TSPAN8: variants seen among roughly 807,000 people sequenced by gnomAD.
The protein encoded by TSPAN8 is tetraspanin-8.
Under a neutral mutation model 32.8 loss-of-function variants are expected in TSPAN8, and 21 were observed. The observed-to-expected ratio is 0.64, with a 90% confidence interval of 0.45 to 0.92. The LOEUF (loss-of-function observed/expected upper bound fraction) is 0.92, where lower values mean the gene tolerates loss of function less well. TSPAN8 is among the 40% of genes least tolerant of loss of function. TSPAN8 has a pLI of 0.00. For missense variants in TSPAN8, 269 were observed against 281.9 expected, an observed-to-expected ratio of 0.95 and a Z score of 0.33; for synonymous variants, 95 against 94.6, an observed-to-expected ratio of 1.00 and a Z score of -0.03.
rs941641140 is a variant in TSPAN8 at position 71,137,518 on chromosome 12, T to C, written c.444+435A>G. Among the ~76,000 whole-genome samples the C allele has an allele frequency of 2.0e-5, 3 of 151,938 alleles. No homozygotes were observed. The East Asian group carries it at 5.8e-4, about 30-fold the overall frequency. Reference sequence around the variant, plus strand: ...AGGAGGCTGAGACAGGAGAATCAGTTGAACCCGGGAGGCAGAGGTTGCAGC... The same window carrying C: ...AGGAGGCTGAGACAGGAGAATCAGTCGAACCCGGGAGGCAGAGGTTGCAGC... On this transcript the variant is annotated intron_variant, in intron 6 of 8. Transcript: ENST00000247829.
At chr12:71,140,625 T>C (rs1871873412) in intron 3 of TSPAN8, among the ~76,000 whole-genome samples, 1 of 152,212 alleles carries the variant, frequency 6.6e-6, no homozygotes, top group African/African-American at 2.4e-5. Context: ...GAGCCCTTTA[T>C]AGTGGGTGGG....
At chr12:71,150,747 A>C (rs1455204797) in intron 2 of TSPAN8, among the ~76,000 whole-genome samples, 1 of 152,172 alleles carries the variant, frequency 6.6e-6, no homozygotes, top group Non-Finnish European at 1.5e-5. Context: ...GTGGGAGATA[A>C]CTGAATCATG....
chr12:71,146,413 C>T (rs1872081437), intron 2 of TSPAN8, among the ~76,000 whole-genome samples: 1 of 152,082 alleles, frequency 6.6e-6, no homozygotes, highest in South Asian at 2.1e-4. Flanking sequence ...GAATGACCAT[C>T]CTAGAGTCAT....
rs141173034 is a variant in TSPAN8 at position 71,139,192 on chromosome 12, C to T, written c.261+519G>A. On this transcript the variant is annotated intron_variant, in intron 4 of 8. Coordinates refer to ENST00000247829, the MANE Select transcript of TSPAN8 (RefSeq NM_004616.3). ...CATCATTTACTGGAAACAGTTTTGC[C>T]GGTCTCCTGCCATACCCAAGGCTTC... 7.7e-3 allele frequency: 3,501 copies of T among 456,592 alleles called. 147 individuals carry two copies. Among genetic ancestry groups the T allele is most frequent in the Admixed American group, 0.07 (2,972 of 42,448 alleles). 28.3% of individuals were successfully genotyped at this position (456,592 alleles called of 1,614,324 possible). A position where few individuals can be genotyped will look rare whatever the true frequency, so the allele number is the denominator to read the frequency against.
At chr12:71,143,220 G>C (rs761026673) in intron 3 of TSPAN8, among the ~76,000 whole-genome samples, 1 of 152,120 alleles carries the variant, frequency 6.6e-6, no homozygotes, top group Non-Finnish European at 1.5e-5. Context: ...ATAATTTGTG[G>C]GGATGGAGCC....
intron 2 of TSPAN8, among the ~76,000 whole-genome samples, chr12:71,148,308 T>G (rs967238515): frequency 1.3e-5 from 2 of 152,212 alleles, no homozygotes; most frequent in Admixed American, 6.5e-5. Flanking sequence ...CTCTGAATAC[T>G]CAGCAGACAT....
chr12:71,152,279 A>G (rs1476370231), intron 2 of TSPAN8, among the ~76,000 whole-genome samples: 1 of 152,144 alleles, frequency 6.6e-6, no homozygotes, highest in Non-Finnish European at 1.5e-5. Flanking sequence ...CTTTTTCCCC[A>G]TTCCCTTAAT....
chr12:71,149,583 G>C (rs1384193322), intron 2 of TSPAN8, among the ~76,000 whole-genome samples: 1 of 152,232 alleles, frequency 6.6e-6, no homozygotes, highest in Non-Finnish European at 1.5e-5. Context: ...ACCCCAAACA[G>C]AGGGACTGGC....
intron 2 of TSPAN8, among the ~76,000 whole-genome samples, chr12:71,146,124 A>G (rs1187721325): frequency 1.3e-5 from 2 of 152,156 alleles, no homozygotes; most frequent in Non-Finnish European, 2.9e-5. Flanking sequence ...TAACATTTAA[A>G]AGAAAGAGTA....
chr12:71,129,188 T>C (rs947613555), intron 8 of TSPAN8, 143 bp downstream of exon 8: 24 of 821,762 alleles, frequency 2.9e-5, no homozygotes, highest in Non-Finnish European at 3.9e-5. Context: ...GCCTTTAGCA[T>C]CCAGTGCTTT....
rs77961508 is a variant in TSPAN8, at chr12:71,128,655, TAA to T, written c.660+674_660+675del. 4.9e-3 allele frequency among the ~76,000 whole-genome samples: 688 copies of T among 139,444 alleles called. 3 individuals are homozygous for T. Among genetic ancestry groups the T allele is most frequent in the African/African-American group, 0.015 (584 of 39,500 alleles). 91.5% of individuals were successfully genotyped at this position (139,444 alleles called of 152,430 possible). On this transcript the variant is annotated intron_variant, in intron 8 of 8. Transcript: ENST00000247829. ...GTATCTTTCAGGTTTTTTTTTTTTT[TAA>T]AAAAAAAACATGCCAAGAAAGTTCA...
chr12:71,133,973 C>G (rs562078891), intron 6 of TSPAN8, among the ~76,000 whole-genome samples: 1 of 151,964 alleles, frequency 6.6e-6, no homozygotes, highest in Non-Finnish European at 1.5e-5. Context: ...ATTGCAATGC[C>G]AAGATATTGA....
At chr12:71,156,364 T>C (rs1872442121) in intron 2 of TSPAN8, among the ~76,000 whole-genome samples, 1 of 151,484 alleles carries the variant, frequency 6.6e-6, no homozygotes, top group African/African-American at 2.4e-5. Flanking sequence ...AATTTAAGTA[T>C]CTCAAGGGAA....
At chr12:71,137,292 T>C (rs1871730681) in intron 6 of TSPAN8, among the ~76,000 whole-genome samples, 1 of 151,818 alleles carries the variant, frequency 6.6e-6, no homozygotes, top group African/African-American at 2.4e-5. Context: ...AAATAATTAA[T>C]TATTTTTTAA....
At chr12:71,132,979 A>G (rs1048927106) in intron 6 of TSPAN8, among the ~76,000 whole-genome samples, 155 bp from the exon 7 acceptor site, 1 of 152,228 alleles carries the variant, frequency 6.6e-6, no homozygotes, top group South Asian at 2.1e-4. Flanking sequence ...AGAAGTAAAA[A>G]TTAAGGATTT....
chr12:71,145,041 T>A (rs939031855), intron 2 of TSPAN8, among the ~76,000 whole-genome samples: 2 of 152,036 alleles, frequency 1.3e-5, no homozygotes, highest in Admixed American at 6.6e-5. Context: ...CTGTGTCTGG[T>A]AACATACCAG....
rs761575592 is a variant in TSPAN8 at position 71,125,362 on chromosome 12, A to G, written c.686T>C (p.Val229Ala). The change falls in exon 9 of 9, where the codon GTC becomes GCC. Residue 229 changes from valine (V) to alanine (A), a missense_variant. Val to Ala is a moderately conservative substitution (Grantham distance 64). Coordinates refer to ENST00000247829, the MANE Select transcript of TSPAN8 (RefSeq NM_004616.3). ...TTTGTTCCCGATCTGGCAATACAGG[A>G]CCATAGAAAACACCAAACCCAGTAT... ...IEILGLVFSM[V>A]LYCQIGNK 2 of 1,612,942 alleles carry G rather than the reference A, an allele frequency of 1.2e-6. No individual in the cohort carries two copies. Among genetic ancestry groups the G allele is most frequent in the Non-Finnish European group, 1.7e-6 (2 of 1,179,536 alleles).
intron 7 of TSPAN8, among the ~76,000 whole-genome samples, chr12:71,131,323 T>C (rs1871511530): frequency 6.6e-6 from 1 of 152,120 alleles, no homozygotes; most frequent in Admixed American, 6.5e-5. Context: ...TCTGGTAGAT[T>C]ATTTATTGAG....
chr12:71,139,685 C>A (rs547999152), intron 4 of TSPAN8, 26 bp downstream of exon 4: 24 of 1,610,468 alleles, frequency 1.5e-5, no homozygotes, highest in Non-Finnish European at 2.0e-5. Flanking sequence ...GAAGGTTGGA[C>A]ACTGGGATTT....
Sources: allele counts gnomAD v4.1 joint callset (sites outside exome capture counted in the v4.1 genomes callset), GRCh38; gene constraint gnomAD v4.1.1; transcripts MANE v1.5; gene names NCBI Gene and HGNC (gene_info 2026-07-23, HGNC 2026-07-21).